The following USH2A variants were observed in gnomAD, a reference collection of about 807,000 sequenced individuals.
The protein encoded by USH2A is Usher syndrome 2A (autosomal recessive, mild).
Under a neutral mutation model 538.9 loss-of-function variants are expected in USH2A, and 443 were observed. That is an observed-to-expected ratio of 0.82 (90% CI 0.76 to 0.89). USH2A has a LOEUF of 0.89. Ranked by LOEUF, USH2A falls within the 40% of genes least tolerant of loss-of-function variation. The pLI is 0.00. For missense variants in USH2A, 6,633 were observed against 6,324.8 expected (o/e 1.05, Z -1.65); for synonymous variants, 2,413 against 2,273.5 (o/e 1.06, Z -1.75).
At chr1:216,069,076 C>T (rs2031474245) in intron 30 of USH2A, among the ~76,000 whole-genome samples, 1 of 152,052 alleles carries the variant, frequency 6.6e-6, no homozygotes, top group Non-Finnish European at 1.5e-5. Flanking sequence ...GGGTTGGTGT[C>T]ATTACTGAGT....
chr1:216,137,696 T>C (rs2033513487), intron 21 of USH2A, among the ~76,000 whole-genome samples: 1 of 152,164 alleles, frequency 6.6e-6, no homozygotes, highest in Non-Finnish European at 1.5e-5. Context: ...AACCGGCAGC[T>C]GATTTGATTG....
At chr1:216,267,094 C>A (rs1302659715) in intron 11 of USH2A, among the ~76,000 whole-genome samples, 1 of 151,980 alleles carries the variant, frequency 6.6e-6, no homozygotes, top group African/African-American at 2.4e-5. Context: ...TTCCAGAGCA[C>A]TCCAACAATA....
At chr1:215,809,129 T>A (rs1662585413) in intron 49 of USH2A, among the ~76,000 whole-genome samples, 5 of 152,184 alleles carry the variant, frequency 3.3e-5, no homozygotes, top group Admixed American at 3.3e-4. Flanking sequence ...CTGTATTTGT[T>A]ATCTTCCCCT....
In USH2A at chr1:216,292,179, A is replaced by G. The variant is rs1205537282; in HGVS notation, c.1836T>C (p.Thr612=). ...GGVCDDCEHN[T]TGRNCELCKD... ...AGGAATTTATTTGCTACTTACCTGTAGTGTTATGCTCACAATCATCACAAA... is the reference window on the plus strand; with the variant it reads ...AGGAATTTATTTGCTACTTACCTGTGGTGTTATGCTCACAATCATCACAAA... The change falls in exon 10 of 72, where the codon ACT becomes ACC. Residue 612 remains threonine (T), a synonymous_variant. Coordinates refer to ENST00000307340, the MANE Select transcript of USH2A (RefSeq NM_206933.4). 6.2e-7 allele frequency: 1 copy of G among 1,614,058 alleles called. No individual in the cohort carries two copies. Among genetic ancestry groups the G allele is most frequent in the East Asian group, 2.2e-5 (1 of 44,860 alleles).
In USH2A at chr1:215,836,713, CG is replaced by C. The variant is rs1663543403; in HGVS notation, c.9371+1277del. ...CTGGGACTACAGGTGCCCCCCACCA[CG>C]CCCTGCTAATTTTTTGTATTTTTAG... On this transcript the variant is annotated intron_variant, in intron 47 of 71. Transcript: ENST00000307340. Among the ~76,000 whole-genome samples the C allele has an allele frequency of 3.4e-5, 5 of 144,996 alleles. No homozygotes were observed. In the Admixed American group the frequency reaches 3.6e-4, roughly 10 times the overall value.
intron 38 of USH2A, among the ~76,000 whole-genome samples, chr1:215,915,503 ACT>A (rs964568186): frequency 4.0e-5 from 6 of 151,792 alleles, no homozygotes; most frequent in African/African-American, 1.2e-4. Context: ...TTAGTCTGTT[ACT>A]CTCTCTTTCT....
intron 13 of USH2A, among the ~76,000 whole-genome samples, chr1:216,239,721 G>T (rs1238903121): frequency 6.6e-6 from 1 of 152,186 alleles, no homozygotes; most frequent in Non-Finnish European, 1.5e-5. Context: ...AGATAAAGGG[G>T]AGTAGGAGGC....
At chr1:216,420,066 C>A (rs2039649563) in intron 2 of USH2A, among the ~76,000 whole-genome samples, 1 of 152,042 alleles carries the variant, frequency 6.6e-6, no homozygotes. Flanking sequence ...AATTCTACTG[C>A]AAATTATATT....
chr1:216,267,220 G>T (rs116258031), intron 11 of USH2A, among the ~76,000 whole-genome samples: 1 of 152,098 alleles, frequency 6.6e-6, no homozygotes, highest in Non-Finnish European at 1.5e-5. Context: ...GTGATCAACT[G>T]TGTCAAATCC....
At chr1:215,982,303 C>T (rs181802867) in intron 35 of USH2A, among the ~76,000 whole-genome samples, 201 of 152,268 alleles carry the variant, frequency 1.3e-3, no homozygotes, top group Non-Finnish European at 2.3e-3. Flanking sequence ...AAGCACTGTG[C>T]ACATAGAAGG....
intron 64 of USH2A, among the ~76,000 whole-genome samples, chr1:215,667,542 C>A (rs1421801362): frequency 2.6e-5 from 4 of 151,318 alleles, no homozygotes; most frequent in African/African-American, 9.7e-5. Flanking sequence ...ACTAAAAATA[C>A]AAAAAAAATT....
intron 13 of USH2A, among the ~76,000 whole-genome samples, chr1:216,235,422 G>A (rs114434913): frequency 8.3e-4 from 126 of 152,174 alleles, no homozygotes; most frequent in Non-Finnish European, 1.4e-3. Context: ...CATATACATG[G>A]TCCAAATCAG....
At chr1:215,731,531 G>A (rs4330896) in intron 60 of USH2A, among the ~76,000 whole-genome samples, 103,352 of 152,030 alleles carry the variant, frequency 0.68, 36,206 homozygotes, top group Non-Finnish European at 0.78. Context: ...TCTTTGCTCA[G>A]GCTCATTTGG....
At chr1:216,008,946 C>T (rs1668475498) in intron 32 of USH2A, among the ~76,000 whole-genome samples, 1 of 151,572 alleles carries the variant, frequency 6.6e-6, no homozygotes. Flanking sequence ...CCCTTCTCTG[C>T]CTTTCTGGGG....
chr1:215,875,105 T>C (rs1488164892), intron 43 of USH2A, among the ~76,000 whole-genome samples: 2 of 152,122 alleles, frequency 1.3e-5, no homozygotes, highest in African/African-American at 4.8e-5. Flanking sequence ...TCACTTCCTT[T>C]AAAGAGAAAA....
chr1:215,812,160 T>G (rs1456119692), intron 49 of USH2A, among the ~76,000 whole-genome samples: 3 of 151,398 alleles, frequency 2.0e-5, no homozygotes, highest in Admixed American at 2.0e-4. Context: ...ATTTTTTGTA[T>G]TTTTTACAAG....
At chr1:215,903,225 T>G (rs1180733179) in intron 38 of USH2A, among the ~76,000 whole-genome samples, 1 of 152,130 alleles carries the variant, frequency 6.6e-6, no homozygotes, top group Non-Finnish European at 1.5e-5. Context: ...ACTTTGCATT[T>G]GGCCAAGTGC....
At chr1:216,138,912 A>G (rs2033541531) in intron 21 of USH2A, among the ~76,000 whole-genome samples, 1 of 147,876 alleles carries the variant, frequency 6.8e-6, no homozygotes, top group Non-Finnish European at 1.5e-5. Flanking sequence ...AAATATGCAT[A>G]TATTAATGTG....
At chr1:216,294,467 A>G in intron 9 of USH2A, among the ~76,000 whole-genome samples, 1 of 151,638 alleles carries the variant, frequency 6.6e-6, no homozygotes, top group East Asian at 1.9e-4. Context: ...ATTTTGCTGC[A>G]TTATTTCTTA....
Sources: gnomAD v4.1 joint callset for allele counts (sites outside exome capture counted in the v4.1 genomes callset) on GRCh38, gnomAD v4.1.1 for gene constraint, MANE v1.5 for transcripts, NCBI Gene and HGNC (gene_info 2026-07-23, HGNC 2026-07-21) for gene names.